The following RABGAP1L variants were observed in gnomAD, a reference collection of about 807,000 sequenced individuals.
RABGAP1L encodes the protein rab GTPase-activating protein 1-like.
In RABGAP1L, 63 loss-of-function variants were observed where a neutral mutation model predicts 137.7. The ratio of observed to expected loss-of-function variants is 0.46; its 90% CI spans 0.37 to 0.56. The LOEUF (loss-of-function observed/expected upper bound fraction) is 0.56, where lower values mean the gene tolerates loss of function less well. Among genes scored for constraint, RABGAP1L ranks in the 20% least tolerant of loss-of-function variants. RABGAP1L has a pLI of 0.00. For synonymous variants in RABGAP1L, 431 were observed against 433.7 expected (o/e 0.99, Z 0.08); for missense variants, 1,095 against 1,244.0 (o/e 0.88, Z 1.80).
intron 13 of RABGAP1L, among the ~76,000 whole-genome samples, chr1:174,447,892 C>G (rs1456015390): frequency 2.8e-5 from 1 of 35,330 alleles, no homozygotes; most frequent in Non-Finnish European, 5.2e-5. Context: ...CCCTTACCGC[C>G]CCCCCCCCAC....
chr1:174,263,636 T>C (rs1213460457), intron 7 of RABGAP1L, among the ~76,000 whole-genome samples: 1 of 152,154 alleles, frequency 6.6e-6, no homozygotes, highest in Non-Finnish European at 1.5e-5. Flanking sequence ...CTACCGTATG[T>C]TTATTTCCAT....
At chr1:174,925,136 C>T (rs374611961) in intron 19 of RABGAP1L, among the ~76,000 whole-genome samples, 1 of 151,832 alleles carries the variant, frequency 6.6e-6, no homozygotes, top group African/African-American at 2.4e-5. Context: ...GAGGCTGAGG[C>T]GGGCGTATCA....
chr1:174,943,180 G>A (rs1037477513), intron 19 of RABGAP1L, among the ~76,000 whole-genome samples: 1 of 152,104 alleles, frequency 6.6e-6, no homozygotes, highest in African/African-American at 2.4e-5. Flanking sequence ...TCCAAAACTG[G>A]CTTGATGTGT....
intron 14 of RABGAP1L, among the ~76,000 whole-genome samples, chr1:174,644,135 G>T (rs1194155693): frequency 6.6e-6 from 1 of 151,984 alleles, no homozygotes; most frequent in African/African-American, 2.4e-5. Flanking sequence ...CAACTGAGAA[G>T]ATATAATGTG....
chr1:174,598,961 G>C (rs1670207700), intron 13 of RABGAP1L, among the ~76,000 whole-genome samples: 1 of 151,662 alleles, frequency 6.6e-6, no homozygotes, highest in South Asian at 2.1e-4. Context: ...TTTGTTTTCT[G>C]GTTGCCTTAT....
At chr1:174,316,982 G>A (rs938771874) in intron 11 of RABGAP1L, among the ~76,000 whole-genome samples, 7 of 151,978 alleles carry the variant, frequency 4.6e-5, no homozygotes, top group African/African-American at 1.7e-4. Flanking sequence ...TAAGGTCCAA[G>A]GGCTCTGAAG....
At chr1:174,490,391 G>T (rs1660105241) in intron 13 of RABGAP1L, among the ~76,000 whole-genome samples, 1 of 152,112 alleles carries the variant, frequency 6.6e-6, no homozygotes, top group Admixed American at 6.5e-5. Context: ...GGATTACCAG[G>T]CAGAGACACT....
chr1:174,714,047 C>G lies in RABGAP1L; in HGVS notation c.2169+11791C>G, dbSNP rs61169256. Among the ~76,000 whole-genome samples, 367 of 152,310 alleles carry G rather than the reference C, an allele frequency of 2.4e-3. 3 individuals carry two copies. Among genetic ancestry groups the G allele is most frequent in the African/African-American group, 8.6e-3 (356 of 41,566 alleles). ...TTGGCCTGCAGTTATTCCCTTCCTT[C>G]CTCCCCAGTGGTATCCAAAGGTCAG... On this transcript the variant is annotated intron_variant, in intron 17 of 25. Coordinates refer to ENST00000681986, the MANE Select transcript of RABGAP1L (RefSeq NM_001366446.1).
At chr1:174,409,132 G>A (rs995337428) in intron 13 of RABGAP1L, among the ~76,000 whole-genome samples, 1 of 152,076 alleles carries the variant, frequency 6.6e-6, no homozygotes, top group Non-Finnish European at 1.5e-5. Context: ...ATAAATTATT[G>A]TTACAGGAAG....
intron 19 of RABGAP1L, among the ~76,000 whole-genome samples, chr1:174,907,658 A>C (rs1175769980): frequency 6.6e-6 from 1 of 152,152 alleles, no homozygotes; most frequent in African/African-American, 2.4e-5. Flanking sequence ...TATCTATAAG[A>C]TGCTTTTTTT....
At chr1:174,299,485 A>G (rs1677455502) in intron 10 of RABGAP1L, among the ~76,000 whole-genome samples, 1 of 152,224 alleles carries the variant, frequency 6.6e-6, no homozygotes, top group Non-Finnish European at 1.5e-5. Context: ...TCTGTTGCAA[A>G]AGAAAAATGA....
At chr1:174,933,686 A>G (rs1223446533) in intron 19 of RABGAP1L, among the ~76,000 whole-genome samples, 1 of 152,174 alleles carries the variant, frequency 6.6e-6, no homozygotes, top group Non-Finnish European at 1.5e-5. Flanking sequence ...CAAGCTTTCT[A>G]GGGAATTCTG....
At chr1:174,746,256 T>G (rs1403430125) in intron 17 of RABGAP1L, among the ~76,000 whole-genome samples, 1 of 152,204 alleles carries the variant, frequency 6.6e-6, no homozygotes, top group Non-Finnish European at 1.5e-5. Context: ...ATTATTCAAT[T>G]TGGGGCAATT....
intron 11 of RABGAP1L, among the ~76,000 whole-genome samples, chr1:174,316,544 C>T (rs1352348746): frequency 6.6e-6 from 1 of 152,158 alleles, no homozygotes; most frequent in Non-Finnish European, 1.5e-5. Context: ...CTCTGGATTA[C>T]CATGCAGAGA....
chr1:174,351,022 T>C (rs1178975606), intron 11 of RABGAP1L, among the ~76,000 whole-genome samples: 2 of 109,226 alleles, frequency 1.8e-5, no homozygotes, highest in Admixed American at 1.2e-4. Flanking sequence ...TGAGCCGAGA[T>C]GGCAGCAGTA....
intron 2 of RABGAP1L, among the ~76,000 whole-genome samples, chr1:174,219,954 CAA>C (rs1422074691): frequency 1.3e-5 from 2 of 152,068 alleles, no homozygotes; most frequent in East Asian, 3.8e-4. Context: ...ACTATGGCAT[CAA>C]AAGTGTATTA....
intron 19 of RABGAP1L, among the ~76,000 whole-genome samples, chr1:174,908,351 C>G (rs1046500841): frequency 6.6e-6 from 1 of 152,146 alleles, no homozygotes; most frequent in Non-Finnish European, 1.5e-5. Context: ...AATACACATT[C>G]TCTTCATCAG....
At chr1:174,688,018 A>G (rs1678606674) in intron 15 of RABGAP1L, among the ~76,000 whole-genome samples, 1 of 152,176 alleles carries the variant, frequency 6.6e-6, no homozygotes, top group Non-Finnish European at 1.5e-5. Context: ...AATGTTTATC[A>G]CAGTAGACTC....
In RABGAP1L at chr1:174,989,960, C is replaced by T. The variant is rs1002631336; in HGVS notation, c.3115C>T (p.Gln1039Ter). 1.9e-6 allele frequency: 3 copies of T among 1,549,176 alleles called. No homozygotes were observed. The African/African-American group carries it at 4.1e-5, about 21-fold the overall frequency. Residue 1039 changes from glutamine to a stop codon, truncating the protein, a stop_gained, in exon 26 of 26, where the codon CAG (glutamine) becomes TAG (stop). Transcript: ENST00000681986. LOFTEE classifies it high-confidence loss of function. ...IKTATGTQPLQPAPVTQPPKE... is the reference protein window; with the variant it reads ...IKTATGTQPL ...AACGGCCACGGGCACCCAGCCATTG[C>T]AGCCAGCACCGGTCACCCAGCCACC... is the stretch of plus-strand genomic sequence containing the variant.
Sources: gnomAD v4.1 joint callset for allele counts (sites outside exome capture counted in the v4.1 genomes callset) on GRCh38, gnomAD v4.1.1 for gene constraint, MANE v1.5 for transcripts, NCBI Gene and HGNC (gene_info 2026-07-23, HGNC 2026-07-21) for gene names.